The following PPP2R5E variants were observed in gnomAD, a reference collection of about 807,000 sequenced individuals.
The protein encoded by PPP2R5E is serine/threonine-protein phosphatase 2A 56 kDa regulatory subunit epsilon isoform.
PPP2R5E carries 4 observed loss-of-function variants against 65.3 expected under a neutral mutation model. The observed-to-expected ratio is 0.06, with a 90% CI of 0.03 to 0.14. The LOEUF is 0.14. Among genes scored for constraint, PPP2R5E ranks in the 10% least tolerant of loss-of-function variants. The pLI is 1.00. For missense variants in PPP2R5E, 274 were observed against 556.1 expected, an observed-to-expected ratio of 0.49 and a Z score of 5.10; for synonymous variants, 183 against 187.4, an observed-to-expected ratio of 0.98 and a Z score of 0.19.
Position 63,374,634 on chromosome 14 carries a change from G to GATTTTATATATATATATAT in PPP2R5E, c.*1374_*1375insATATATATATATATAAAAT. On this transcript the variant is annotated 3_prime_UTR_variant, in exon 14 of 14. Transcript: ENST00000337537. The stretch of plus-strand genomic sequence containing the variant: ...TAAATACAAAGCAGAGAGCCAATAA[G>GATTTTATATATATATATAT]ATATATATATATATATATATATATA... 1 of 109,576 alleles carries GATTTTATATATATATATAT rather than the reference G, an allele frequency of 9.1e-6. No homozygotes were observed. Among genetic ancestry groups the GATTTTATATATATATATAT allele is most frequent in the African/African-American group, 4.8e-5 (1 of 20,676 alleles). 6.8% of individuals were successfully genotyped at this position (109,576 alleles called of 1,614,324 possible). A position where few individuals can be genotyped will look rare whatever the true frequency, so the allele number is the denominator to read the frequency against.
intron 13 of PPP2R5E, among the ~76,000 whole-genome samples, chr14:63,380,617 G>A (rs138396812): frequency 0.039 from 5,917 of 151,798 alleles, 237 homozygotes; most frequent in East Asian, 0.12. Flanking sequence ...AGCTGAGATC[G>A]CGCCACTGCA....
At chr14:63,533,941 T>C (rs1893553098) in intron 2 of PPP2R5E, among the ~76,000 whole-genome samples, 1 of 152,228 alleles carries the variant, frequency 6.6e-6, no homozygotes, top group South Asian at 2.1e-4. Context: ...AGCGAGACTC[T>C]GTCTCAGAAA....
intron 2 of PPP2R5E, among the ~76,000 whole-genome samples, chr14:63,462,224 C>T (rs1566720211): frequency 6.6e-6 from 1 of 152,060 alleles, no homozygotes; most frequent in Non-Finnish European, 1.5e-5. Context: ...GCACCTGCCA[C>T]CTTGCCCGGC....
At chr14:63,430,409 ACATACATACATG>A (rs1566696765) in intron 3 of PPP2R5E, among the ~76,000 whole-genome samples, 10 of 143,836 alleles carry the variant, frequency 7.0e-5, no homozygotes, top group African/African-American at 2.6e-4. Flanking sequence ...ATGCATACAT[ACATACATACATG>A]CATACATACA....
intron 2 of PPP2R5E, among the ~76,000 whole-genome samples, chr14:63,529,509 TGC>T (rs1893321890): frequency 6.6e-6 from 1 of 152,104 alleles, no homozygotes; most frequent in East Asian, 1.9e-4. Context: ...TACAGGCACC[TGC>T]TACCACGCCC....
At chr14:63,482,729 T>C (rs766958006) in intron 2 of PPP2R5E, among the ~76,000 whole-genome samples, 5 of 152,220 alleles carry the variant, frequency 3.3e-5, no homozygotes, top group Non-Finnish European at 5.9e-5. Flanking sequence ...TGTTTAATTA[T>C]ATTTACTTTT....
intron 2 of PPP2R5E, among the ~76,000 whole-genome samples, chr14:63,480,088 A>G (rs959415062): frequency 6.6e-6 from 1 of 152,194 alleles, no homozygotes; most frequent in Admixed American, 6.5e-5. Context: ...AAAAATTACC[A>G]ACCTTTTACC....
At position 63,383,266 on chromosome 14, in the gene PPP2R5E, A is replaced by T. The variant is rs1164870413; in HGVS notation, c.1203-1109T>A. Among the ~76,000 whole-genome samples, 7 of 152,360 alleles carry T rather than the reference A, an allele frequency of 4.6e-5. No homozygotes were observed. In the South Asian group the frequency reaches 1.4e-3, roughly 32 times the overall value. ...GTTTTGCAACAAACATGCTCCTAATACCACTGAAAAATGCATTGGTAAAAA... is the reference window on the plus strand; with the variant it reads ...GTTTTGCAACAAACATGCTCCTAATTCCACTGAAAAATGCATTGGTAAAAA... On this transcript the variant is annotated intron_variant, in intron 12 of 13. Transcript: ENST00000337537.
At chr14:63,424,700 G>A (rs929886008) in intron 3 of PPP2R5E, among the ~76,000 whole-genome samples, 1 of 147,956 alleles carries the variant, frequency 6.8e-6, no homozygotes, top group African/African-American at 2.5e-5. Context: ...GCAGTGAGCC[G>A]AGATCTCACC....
intron 5 of PPP2R5E, among the ~76,000 whole-genome samples, chr14:63,402,109 T>G (rs1224724979): frequency 6.6e-6 from 1 of 152,148 alleles, no homozygotes; most frequent in Non-Finnish European, 1.5e-5. Context: ...TGGGATGAAA[T>G]AAAACTCTGC....
At chr14:63,390,630 T>A (rs1463387614) in intron 10 of PPP2R5E, among the ~76,000 whole-genome samples, 1 of 152,200 alleles carries the variant, frequency 6.6e-6, no homozygotes, top group Non-Finnish European at 1.5e-5. Flanking sequence ...TTTTAAGAAA[T>A]TAAATGACTT....
intron 11 of PPP2R5E, among the ~76,000 whole-genome samples, chr14:63,386,999 G>C (rs976898642): frequency 3.3e-5 from 5 of 152,006 alleles, no homozygotes. Context: ...ATGAAGGAAA[G>C]GGCATTCCAG....
chr14:63,534,562 A>G (rs1324241617), intron 2 of PPP2R5E, among the ~76,000 whole-genome samples: 3 of 152,174 alleles, frequency 2.0e-5, no homozygotes, highest in African/African-American at 7.2e-5. Flanking sequence ...GTAAGGCACT[A>G]AACCTCTACT....
chr14:63,494,935 G>C (rs370674431), intron 2 of PPP2R5E, among the ~76,000 whole-genome samples: 3 of 151,934 alleles, frequency 2.0e-5, no homozygotes, highest in Admixed American at 1.3e-4. Flanking sequence ...CAGGCATGGT[G>C]GCTCATGCCT....
chr14:63,499,333 G>A (rs1354301495), intron 2 of PPP2R5E, among the ~76,000 whole-genome samples: 1 of 152,186 alleles, frequency 6.6e-6, no homozygotes, highest in Non-Finnish European at 1.5e-5. Context: ...TGTGAAACTA[G>A]AAGGGCTATG....
At chr14:63,483,604 A>C (rs1240671736) in intron 2 of PPP2R5E, among the ~76,000 whole-genome samples, 2 of 152,158 alleles carry the variant, frequency 1.3e-5, no homozygotes, top group Non-Finnish European at 2.9e-5. Flanking sequence ...GGGCAGGTTC[A>C]GATCCGAGAG....
At chr14:63,507,594 T>G (rs1164604483) in intron 2 of PPP2R5E, among the ~76,000 whole-genome samples, 3 of 147,038 alleles carry the variant, frequency 2.0e-5, no homozygotes, top group African/African-American at 7.5e-5. Context: ...TTTTTTTTTT[T>G]TTTGAGACGG....
intron 2 of PPP2R5E, among the ~76,000 whole-genome samples, chr14:63,478,219 T>C (rs866846710): frequency 6.6e-6 from 1 of 152,184 alleles, no homozygotes; most frequent in South Asian, 2.1e-4. Context: ...CAACCTAACA[T>C]CTGGCCTCTT....
At chr14:63,445,434 T>G (rs1341048760) in intron 3 of PPP2R5E, among the ~76,000 whole-genome samples, 1 of 152,248 alleles carries the variant, frequency 6.6e-6, no homozygotes, top group African/African-American at 2.4e-5. Flanking sequence ...TCTGAGCCTT[T>G]AGCGAGTTGT....
Sources: allele counts gnomAD v4.1 joint callset (sites outside exome capture counted in the v4.1 genomes callset), GRCh38; gene constraint gnomAD v4.1.1; transcripts MANE v1.5; gene names NCBI Gene and HGNC (gene_info 2026-07-23, HGNC 2026-07-21).